The following PHB2 variants were observed in gnomAD, a reference collection of about 807,000 sequenced individuals.
PHB2 encodes prohibitin-2.
Under a neutral mutation model 46.4 loss-of-function variants are expected in PHB2, and 22 were observed. The ratio of observed to expected loss-of-function variants is 0.47; its 90% CI spans 0.34 to 0.68. The LOEUF (loss-of-function observed/expected upper bound fraction) is 0.68, where lower values mean the gene tolerates loss of function less well. PHB2 is among the 30% of genes least tolerant of loss of function. The probability of loss-of-function intolerance (pLI) is 0.01; values close to 1 mark genes in which losing one functional copy is unlikely to be tolerated. For synonymous variants in PHB2, 156 were observed against 150.5 expected (o/e 1.04, Z -0.27); for missense variants, 305 against 382.8 (o/e 0.80, Z 1.70).
rs1374315106 is a variant in PHB2 at position 6,968,735 on chromosome 12, G to T, written c.293-140C>A. The T allele has an allele frequency of 4.2e-6, 3 of 712,974 alleles. No individual in the cohort carries two copies. The East Asian group carries it at 8.2e-5, about 19-fold the overall frequency. 44.2% of individuals were successfully genotyped at this position (712,974 alleles called of 1,614,324 possible). ...TGGGGGGAGGAGAGTTAATCAGGCTGACAAGGAAGACAAGACGCAGCACAG... is the reference window on the plus strand; with the variant it reads ...TGGGGGGAGGAGAGTTAATCAGGCTTACAAGGAAGACAAGACGCAGCACAG... On this transcript the variant is annotated intron_variant, in intron 3 of 9. Transcript: ENST00000535923.
rs986583569 is a variant in PHB2 at position 6,967,431 on chromosome 12, G to A, written c.712-183C>T. ...CTGCAGGCTGCTGCCAGGAACTAGGGGCAGCACCAGAAATGAAGGCAAGGC... is the reference window on the plus strand; with the variant it reads ...CTGCAGGCTGCTGCCAGGAACTAGGAGCAGCACCAGAAATGAAGGCAAGGC... On this transcript the variant is annotated intron_variant, in intron 6 of 9. Transcript: ENST00000535923. The surrounding 1 kb of genome is among the most constrained non-coding windows in gnomAD (Gnocchi z 4.9). The A allele has an allele frequency of 7.3e-7, 1 of 1,376,628 alleles. No homozygotes were observed. Among genetic ancestry groups the A allele is most frequent in the Non-Finnish European group, 1.0e-6 (1 of 972,314 alleles). 85.3% of individuals were successfully genotyped at this position (1,376,628 alleles called of 1,614,324 possible). A position where few individuals can be genotyped will look rare whatever the true frequency, so the allele number is the denominator to read the frequency against.
At chr12:6,966,679 T>G (rs1270727429) in intron 7 of PHB2, among the ~76,000 whole-genome samples, 179 bp from the exon 8 acceptor site, 1 of 152,182 alleles carries the variant, frequency 6.6e-6, no homozygotes, top group African/African-American at 2.4e-5. Flanking sequence ...CAGCTATGAT[T>G]AGAACAAAAG....
At position 6,965,599 on chromosome 12, in the gene PHB2, G is replaced by C; in HGVS notation, c.*86C>G. The C allele has an allele frequency of 9.6e-7, 1 of 1,040,514 alleles. No homozygotes were observed. The highest frequency in any genetic ancestry group is 1.5e-6 in the Non-Finnish European group (1 of 673,374). 64.5% of individuals were successfully genotyped at this position (1,040,514 alleles called of 1,614,324 possible). On this transcript the variant is annotated 3_prime_UTR_variant, in exon 10 of 10. Transcript: ENST00000535923. ...CATCGCATGATACTGGGGCGGGGTA[G>C]GGCTGTGCTGGACCCCTGGCTGGCT...
At chr12:6,969,273 AAT>A (rs1319383412) in intron 3 of PHB2, among the ~76,000 whole-genome samples, 2 of 152,234 alleles carry the variant, frequency 1.3e-5, no homozygotes, top group African/African-American at 4.8e-5. Flanking sequence ...AGGGACAAAC[AAT>A]ACTCTTATTG....
rs2138299277 is a variant in PHB2, at chr12:6,965,914, C to T, written c.869G>A (p.Gly290Glu). The change falls in exon 9 of 10, where the codon GGA becomes GAA. Residue 290 changes from glycine to glutamate, a missense_variant and splice_region_variant. Gly to Glu is a moderately conservative substitution (Grantham distance 98). Transcript: ENST00000535923. ...CACAGAAGCAACAACAGCTTACCTT[C>T]CCCTGTGGTGCCAGATCGCCAGATG... ...LNLQDESFTR[G>E]SDSLIKGKK is the part of the protein sequence containing the mutation. 3 of 1,598,850 alleles carry T rather than the reference C, an allele frequency of 1.9e-6. No homozygotes were observed. Among genetic ancestry groups the T allele is most frequent in the Non-Finnish European group, 2.5e-6 (3 of 1,179,376 alleles).
rs781823027 is a variant in PHB2, at chr12:6,966,523, G to C, written c.790-23C>G. On this transcript the variant is annotated intron_variant, in intron 7 of 9. Coordinates refer to ENST00000535923, the MANE Select transcript of PHB2 (RefSeq NM_001144831.2). Reference sequence around the variant, plus strand: ...GATCTACAGGGCAGGAAATAAGACAGATGCTTGCATTAAGCAAAGACCTCA... The same window carrying C: ...GATCTACAGGGCAGGAAATAAGACACATGCTTGCATTAAGCAAAGACCTCA... The C allele has an allele frequency of 2.0e-6, 3 of 1,505,972 alleles. No individual in the cohort carries two copies. In the Admixed American group the frequency reaches 5.0e-5, roughly 25 times the overall value. The allele number at this position is 1,505,972 out of a possible 1,614,324, so 93.3% of individuals were successfully genotyped here.
In PHB2 at chr12:6,970,593, C is replaced by G; in HGVS notation, c.-50G>C. On this transcript the variant is annotated 5_prime_UTR_variant, in exon 1 of 10. Transcript: ENST00000535923. ...TGGAGGTCAGAAGGGGGTGCCGGCC[C>G]GCCTCTACCCCGCTCCGGCTTAGGT... 1 of 1,549,740 alleles carries G rather than the reference C, an allele frequency of 6.5e-7. No individual in the cohort carries two copies. Among genetic ancestry groups the G allele is most frequent in the South Asian group, 1.2e-5 (1 of 81,880 alleles).
In PHB2 at chr12:6,968,424, G is replaced by A; in HGVS notation, c.464C>T (p.Thr155Ile). The change falls in exon 4 of 10, where the codon ACC (threonine) becomes ATC (isoleucine). Residue 155 changes from threonine to isoleucine, a missense_variant. Transcript: ENST00000535923. The part of the protein sequence containing the change: ...VAKFNASQLI[T>I]QRAQVSLLIR... ...TGGGAGTCAGACCTGGGCCCGCTGG[G>A]TGATCAGCTGTGAGGCATTGAACTT... 1 of 1,608,612 alleles carries A rather than the reference G, an allele frequency of 6.2e-7. No homozygotes were observed. Among genetic ancestry groups the A allele is most frequent in the Non-Finnish European group, 8.5e-7 (1 of 1,176,492 alleles).
At chr12:6,968,073 G>A in intron 4 of PHB2, 52 bp from the exon 5 acceptor site, 2 of 1,520,596 alleles carry the variant, frequency 1.3e-6, no homozygotes, top group East Asian at 4.5e-5. Context: ...GGGGACTGGG[G>A]AGCTGAAAGG....
In PHB2 at chr12:6,968,491, A is replaced by G. The variant is rs1565590410; in HGVS notation, c.397T>C (p.Leu133=). The part of the protein sequence containing the change: ...RLGLDYEERV[L]PSIVNEVLKS... The stretch of plus-strand genomic sequence containing the variant: ...AGCACCTCGTTGACAATGGACGGCA[A>G]CACTCGTTCCTCGTAGTCCAGCCCT... Residue 133 remains leucine, a synonymous_variant, in exon 4 of 10, where the codon TTG becomes CTG. Coordinates refer to ENST00000535923, the MANE Select transcript of PHB2 (RefSeq NM_001144831.2). The G allele has an allele frequency of 6.2e-6, 10 of 1,613,358 alleles. No individual in the cohort carries two copies. Among genetic ancestry groups the G allele is most frequent in the Non-Finnish European group, 2.5e-6 (3 of 1,179,698 alleles).
At position 6,968,005 on chromosome 12, in the gene PHB2, C is replaced by T. The variant is rs1555151176; in HGVS notation, c.494G>A (p.Arg165His). The T allele has an allele frequency of 1.2e-5, 19 of 1,606,244 alleles. No individual in the cohort carries two copies. Among genetic ancestry groups the T allele is most frequent in the East Asian group, 4.5e-5 (2 of 44,718 alleles). Residue 165 changes from arginine to histidine, a missense_variant, in exon 5 of 10, where the codon CGC becomes CAC. Physicochemically the swap from Arg to His is conservative, Grantham distance 29. This residue lies in a region of PHB2 where 241 missense variants were observed against 302.7 expected (regional missense o/e 0.80). Coordinates refer to ENST00000535923, the MANE Select transcript of PHB2 (RefSeq NM_001144831.2). ...CTTGGCCCTCTCTGTCAGCTCCCGG[C>T]GGATCAACAGGGATACCTGAGGGCA... ...TQRAQVSLLIRRELTERAKDF... is the reference protein window; with the variant it reads ...TQRAQVSLLIHRELTERAKDF...
In PHB2 at chr12:6,965,541, C is replaced by A; in HGVS notation, c.*144G>T. ...GGGCTAGTCTTCAGTCTTCCTTAAT[C>A]CAAGAGGGGTTCAGGGAACCGGTGT... On this transcript the variant is annotated 3_prime_UTR_variant, in exon 10 of 10. Transcript: ENST00000535923. The A allele has an allele frequency of 1.4e-6, 1 of 713,648 alleles. No individual in the cohort carries two copies. The highest frequency in any genetic ancestry group is 1.5e-5 in the South Asian group (1 of 66,824). The allele number at this position is 713,648 out of a possible 1,614,324, so 44.2% of individuals were successfully genotyped here. A position where few individuals can be genotyped will look rare whatever the true frequency, so the allele number is the denominator to read the frequency against.
Position 6,965,396 on chromosome 12 carries a change from G to GT in PHB2, c.*288dup, listed in dbSNP as rs1233359617. The GT allele has an allele frequency of 5.9e-6, 3 of 508,164 alleles. No individual in the cohort carries two copies. The highest frequency in any genetic ancestry group is 1.9e-5 in the African/African-American group (1 of 52,270). The allele number at this position is 508,164 out of a possible 1,614,324, so 31.5% of individuals were successfully genotyped here. A position where few individuals can be genotyped will look rare whatever the true frequency, so the allele number is the denominator to read the frequency against. On this transcript the variant is annotated 3_prime_UTR_variant, in exon 10 of 10. Coordinates refer to ENST00000535923, the MANE Select transcript of PHB2 (RefSeq NM_001144831.2). ...ATTTATTGAGAATTCCTGGGTTGGT[G>GT]TTTATCTCCTCCCAGCCTTGAGGGA...
chr12:6,967,546 C>A lies in PHB2; in HGVS notation c.711+130G>T, dbSNP rs377657902. 147 of 940,410 alleles carry A rather than the reference C, an allele frequency of 1.6e-4. No homozygotes were observed. The African/African-American group carries it at 2.0e-3, about 13-fold the overall frequency. The allele number at this position is 940,410 out of a possible 1,614,324, so 58.3% of individuals were successfully genotyped here. The stretch of plus-strand genomic sequence containing the variant: ...CAGATCTCATCTGTAGTCCCCACCC[C>A]CAACAAGGAGCCAAGGGCCAGAGAG... On this transcript the variant is annotated intron_variant, in intron 6 of 9. Transcript: ENST00000535923. The surrounding 1 kb of genome is among the most constrained non-coding windows in gnomAD (Gnocchi z 4.9).
intron 3 of PHB2, among the ~76,000 whole-genome samples, chr12:6,969,192 A>G (rs1946271767): frequency 6.6e-6 from 1 of 152,122 alleles, no homozygotes. Flanking sequence ...GTAACTGTAG[A>G]TATAGTAAGT....
In PHB2 at chr12:6,965,684, C is replaced by G. The variant is rs1241076450; in HGVS notation, c.*1G>C. 4.3e-6 allele frequency: 7 copies of G among 1,611,806 alleles called. No homozygotes were observed. The highest frequency in any genetic ancestry group is 5.9e-6 in the Non-Finnish European group (7 of 1,178,632). On this transcript the variant is annotated 3_prime_UTR_variant, in exon 10 of 10. Transcript: ENST00000535923. ...GGGGGTGGAGTTCTTGGTGACTAGG[C>G]TCATTTCTTACCCTTGATGAGGCTG...
chr12:6,965,633 A>G lies in PHB2; in HGVS notation c.*52T>C. 1 of 1,544,998 alleles carries G rather than the reference A, an allele frequency of 6.5e-7. No homozygotes were observed. ...TGGACCCCTGGCTGGCTCCTCAAAA[A>G]CTGGAGAAGCAGATCCACTTCCTCT... is the stretch of plus-strand genomic sequence containing the variant. On this transcript the variant is annotated 3_prime_UTR_variant, in exon 10 of 10. Coordinates refer to ENST00000535923, the MANE Select transcript of PHB2 (RefSeq NM_001144831.2).
In PHB2 at chr12:6,967,669, A is replaced by C; in HGVS notation, c.711+7T>G. 6.2e-7 allele frequency: 1 copy of C among 1,607,098 alleles called. No individual in the cohort carries two copies. Among genetic ancestry groups the C allele is most frequent in the Non-Finnish European group, 8.5e-7 (1 of 1,173,934 alleles). ...GCTGGGCTGAGATCTCTCCAGCAGAAGGATATCATCTTGGCAGCCTCGGCC... is the reference window on the plus strand; with the variant it reads ...GCTGGGCTGAGATCTCTCCAGCAGACGGATATCATCTTGGCAGCCTCGGCC... On this transcript the variant is annotated splice_region_variant and intron_variant, in intron 6 of 9. Transcript: ENST00000535923. The surrounding 1 kb of genome is among the most constrained non-coding windows in gnomAD (Gnocchi z 4.9).
At position 6,970,456 on chromosome 12, in the gene PHB2, C is replaced by T. The variant is rs11541464; in HGVS notation, c.88G>A (p.Gly30Ser). ...TCGCGCACACCGTAGGCCACGGCGCCGGCCCCCAGCAACAGCTTCAGGGCC... is the reference window on the plus strand; with the variant it reads ...TCGCGCACACCGTAGGCCACGGCGCTGGCCCCCAGCAACAGCTTCAGGGCC... Reference protein sequence around the residue: ...GTALKLLLGAGAVAYGVRESV... With the variant: ...GTALKLLLGASAVAYGVRESV... The change falls in exon 1 of 10, where the codon GGC (glycine) becomes AGC (serine). Residue 30 changes from glycine (G) to serine (S), a missense_variant. By Grantham distance (56) the Gly-to-Ser change is moderately conservative. Around this residue, in one of 3 missense-constraint regions of PHB2, gnomAD observed 60 missense variants for 61.0 expected, o/e 0.98. Coordinates refer to ENST00000535923, the MANE Select transcript of PHB2 (RefSeq NM_001144831.2). 4 of 1,604,560 alleles carry T rather than the reference C, an allele frequency of 2.5e-6. No individual in the cohort carries two copies. The highest frequency in any genetic ancestry group is 1.7e-5 in the Admixed American group (1 of 59,936).
Sources: gnomAD v4.1 joint callset for allele counts (sites outside exome capture counted in the v4.1 genomes callset) on GRCh38, gnomAD v4.1.1 for gene constraint, gnomAD v4.1.1 regional missense constraint, Gnocchi (gnomAD v3.1) non-coding constraint, MANE v1.5 for transcripts, NCBI Gene and HGNC (gene_info 2026-07-23, HGNC 2026-07-21) for gene names.